CLNK: variants seen among roughly 807,000 people sequenced by gnomAD.
The protein encoded by CLNK is cytokine-dependent hematopoietic cell linker.
CLNK carries 74 observed loss-of-function variants against 68.6 expected under a neutral mutation model. That is an observed-to-expected ratio of 1.08 (90% CI 0.89 to 1.31). The LOEUF (loss-of-function observed/expected upper bound fraction) is 1.31, where lower values mean the gene tolerates loss of function less well. Ranked by LOEUF, CLNK falls within the 50% of genes most tolerant of loss-of-function variation. CLNK has a pLI of 0.00. For missense variants in CLNK, 553 were observed against 515.3 expected, an observed-to-expected ratio of 1.07 and a Z score of -0.71; for synonymous variants, 198 against 172.2, an observed-to-expected ratio of 1.15 and a Z score of -1.17.
At chr4:10,694,609 A>C in the CLNK span, among the ~76,000 whole-genome samples, 1 of 152,116 alleles carries the variant, frequency 6.6e-6, no homozygotes, top group South Asian at 2.1e-4. Flanking sequence ...GTTGTGCAGG[A>C]GGCTATTGTT....
At chr4:10,527,384 C>T (rs1718360933) in intron 13 of CLNK, among the ~76,000 whole-genome samples, 1 of 152,200 alleles carries the variant, frequency 6.6e-6, no homozygotes, top group Non-Finnish European at 1.5e-5. Context: ...CAGACCTGAG[C>T]CTCACAAATG....
chr4:10,498,711 ACTGTT>A (rs1209659490), intron 18 of CLNK, among the ~76,000 whole-genome samples: 1 of 152,192 alleles, frequency 6.6e-6, no homozygotes, highest in East Asian at 1.9e-4. Context: ...GGTCCCAGGC[ACTGTT>A]CTAAGTGTTT....
chr4:10,548,585 A>G (rs1719327066), intron 8 of CLNK, among the ~76,000 whole-genome samples: 14 of 152,300 alleles, frequency 9.2e-5, no homozygotes, highest in Admixed American at 8.5e-4. Flanking sequence ...GGCAAGATAC[A>G]ATGCCAAGGA....
chr4:10,582,795 C>T (rs940883849), intron 4 of CLNK, among the ~76,000 whole-genome samples: 1 of 152,176 alleles, frequency 6.6e-6, no homozygotes, highest in African/African-American at 2.4e-5. Context: ...AATTACTATA[C>T]TGTTACCACA....
intron 1 of CLNK, among the ~76,000 whole-genome samples, chr4:10,673,433 G>A (rs1724739032): frequency 2.6e-5 from 4 of 152,058 alleles, no homozygotes; most frequent in Non-Finnish European, 4.4e-5. Context: ...GTCCATCAGT[G>A]ATAGACTGGA....
chr4:10,506,780 C>G (rs13141385), intron 17 of CLNK, among the ~76,000 whole-genome samples: 8 of 152,016 alleles, frequency 5.3e-5, no homozygotes, highest in African/African-American at 1.4e-4. Flanking sequence ...CATGACCAAG[C>G]CTCAGGCCTG....
Position 10,667,864 on chromosome 4 carries a change from G to A in CLNK, c.6C>T (p.Asn2=), listed in dbSNP as rs777374656. 3 of 1,303,868 alleles carry A rather than the reference G, an allele frequency of 2.3e-6. No individual in the cohort carries two copies. The highest frequency in any genetic ancestry group is 3.0e-6 in the Non-Finnish European group (3 of 1,008,124). The allele number at this position is 1,303,868 out of a possible 1,614,324, so 80.8% of individuals were successfully genotyped here. The change falls in exon 2 of 19, where the codon AAC becomes AAT. Residue 2 remains asparagine (N), a synonymous_variant. Coordinates refer to ENST00000226951, the MANE Select transcript of CLNK (RefSeq NM_052964.4). ...AGTGATCCCACGGTACTTACTGCCT[G>A]TTCATAGTTCTTGGCACCTGGCGGG... M[N]RQGNRKTTKE... is the part of the protein sequence containing the mutation.
At chr4:10,705,619 C>G in the CLNK span, among the ~76,000 whole-genome samples, 3 of 152,168 alleles carry the variant, frequency 2.0e-5, no homozygotes, top group Non-Finnish European at 2.9e-5. Context: ...ACTCTCACCC[C>G]CTCTTCTGCT....
intron 18 of CLNK, among the ~76,000 whole-genome samples, chr4:10,497,360 A>G (rs888669305): frequency 3.9e-5 from 6 of 152,158 alleles, no homozygotes; most frequent in Non-Finnish European, 7.3e-5. Flanking sequence ...GAATGCTTTA[A>G]TTGATTCATT....
At chr4:10,662,937 C>T (rs934416501) in intron 2 of CLNK, among the ~76,000 whole-genome samples, 1 of 152,196 alleles carries the variant, frequency 6.6e-6, no homozygotes, top group East Asian at 1.9e-4. Flanking sequence ...GAGACCTTTG[C>T]TCTCTGATCT....
chr4:10,547,870 A>G (rs1158937820), intron 8 of CLNK, among the ~76,000 whole-genome samples: 1 of 152,082 alleles, frequency 6.6e-6, no homozygotes, highest in Non-Finnish European at 1.5e-5. Context: ...ATATACCACA[A>G]TTTTTTGATC....
intron 8 of CLNK, among the ~76,000 whole-genome samples, chr4:10,556,713 C>A (rs779047658): frequency 9.2e-5 from 14 of 152,176 alleles, no homozygotes; most frequent in Non-Finnish European, 1.8e-4. Flanking sequence ...CCAACCCTTT[C>A]TCTGTTAAGA....
the CLNK span, among the ~76,000 whole-genome samples, chr4:10,703,614 C>T: frequency 9.2e-5 from 14 of 152,108 alleles, no homozygotes; most frequent in African/African-American, 3.4e-4. Flanking sequence ...GGGATATATT[C>T]TGAGAAATGT....
chr4:10,708,918 T>G, the CLNK span, among the ~76,000 whole-genome samples: 4 of 152,190 alleles, frequency 2.6e-5, no homozygotes, highest in African/African-American at 9.7e-5. Context: ...ACTTCTATGA[T>G]TACGCTATAA....
intron 2 of CLNK, among the ~76,000 whole-genome samples, chr4:10,666,983 C>A (rs1724424936): frequency 6.6e-6 from 1 of 152,192 alleles, no homozygotes; most frequent in African/African-American, 2.4e-5. Context: ...ATTGCAGTCC[C>A]CTAGCCTCCC....
chr4:10,597,079 T>C (rs903049168), intron 3 of CLNK, among the ~76,000 whole-genome samples: 7 of 152,394 alleles, frequency 4.6e-5, no homozygotes, highest in Admixed American at 3.9e-4. Flanking sequence ...CCAGCATTCA[T>C]TCACTCTGCT....
intron 2 of CLNK, among the ~76,000 whole-genome samples, chr4:10,661,924 A>C (rs1724205303): frequency 6.6e-6 from 1 of 152,174 alleles, no homozygotes; most frequent in African/African-American, 2.4e-5. Context: ...TGGAAGGTAG[A>C]ATTCTATACC....
chr4:10,709,601 T>A, the CLNK span, among the ~76,000 whole-genome samples: 28 of 152,302 alleles, frequency 1.8e-4, no homozygotes, highest in East Asian at 5.4e-3. Context: ...ATATCCTAGA[T>A]CTTCCATCTG....
chr4:10,569,431 G>A (rs1280048925), intron 5 of CLNK, among the ~76,000 whole-genome samples: 1 of 152,148 alleles, frequency 6.6e-6, no homozygotes, highest in Non-Finnish European at 1.5e-5. Context: ...CAGGGAGAGG[G>A]TAGTCATTTG....
Sources: gnomAD v4.1 joint callset for allele counts (sites outside exome capture counted in the v4.1 genomes callset) on GRCh38, gnomAD v4.1.1 for gene constraint, MANE v1.5 for transcripts, NCBI Gene and HGNC (gene_info 2026-07-23, HGNC 2026-07-21) for gene names.